The following VPS13B variants were observed in gnomAD, a reference collection of about 807,000 sequenced individuals.
VPS13B encodes the protein vacuolar protein sorting 13 homolog B, also known as intermembrane lipid transfer protein VPS13B.
In VPS13B, 285 loss-of-function variants were observed where a neutral mutation model predicts 426.4. The observed-to-expected ratio is 0.67, with a 90% CI of 0.61 to 0.74. VPS13B has a LOEUF of 0.74. VPS13B is among the 30% of genes least tolerant of loss of function. The probability of loss-of-function intolerance (pLI) is 0.00; values close to 1 mark genes in which losing one functional copy is unlikely to be tolerated. For synonymous variants in VPS13B, 1,676 were observed against 1,676.4 expected (o/e 1.00, Z 0.01); for missense variants, 4,537 against 4,782.6 (o/e 0.95, Z 1.51).
chr8:99,510,649 T>G (rs1360566507), intron 28 of VPS13B, among the ~76,000 whole-genome samples: 5 of 152,120 alleles, frequency 3.3e-5, no homozygotes, highest in Admixed American at 1.3e-4. Context: ...ATTATAGGCA[T>G]GTACTACCAT....
intron 39 of VPS13B, among the ~76,000 whole-genome samples, chr8:99,751,711 A>C (rs1465296465): frequency 2.0e-5 from 3 of 152,206 alleles, no homozygotes; most frequent in Non-Finnish European, 4.4e-5. Flanking sequence ...AATCACTTTC[A>C]ATAAAGTACA....
At chr8:99,394,336 A>G (rs1450660185) in intron 21 of VPS13B, among the ~76,000 whole-genome samples, 1 of 152,140 alleles carries the variant, frequency 6.6e-6, no homozygotes, top group Admixed American at 6.6e-5. Flanking sequence ...CTGATACTGC[A>G]CTGGGTTTGA....
intron 6 of VPS13B, among the ~76,000 whole-genome samples, chr8:99,112,826 GA>G (rs2132487125): frequency 6.6e-6 from 1 of 152,148 alleles, no homozygotes; most frequent in East Asian, 1.9e-4. Context: ...AATAGATGAG[GA>G]AAAACTTAGT....
At chr8:99,173,177 G>GA (rs900554796) in intron 16 of VPS13B, among the ~76,000 whole-genome samples, 3 of 152,054 alleles carry the variant, frequency 2.0e-5, no homozygotes, top group Non-Finnish European at 4.4e-5. Flanking sequence ...ATTTGCAGGG[G>GA]AAAAATGCTT....
intron 19 of VPS13B, among the ~76,000 whole-genome samples, chr8:99,330,161 G>A (rs780849390): frequency 2.6e-5 from 4 of 151,856 alleles, no homozygotes; most frequent in Non-Finnish European, 5.9e-5. Flanking sequence ...ATGTTATTTG[G>A]ACTAGTTATT....
At chr8:99,192,100 G>C (rs1187096686) in intron 16 of VPS13B, among the ~76,000 whole-genome samples, 1 of 152,106 alleles carries the variant, frequency 6.6e-6, no homozygotes, top group Non-Finnish European at 1.5e-5. Flanking sequence ...TTAACCTTCA[G>C]TATAAACTTG....
chr8:99,413,191 G>GT (rs200124965), intron 21 of VPS13B, among the ~76,000 whole-genome samples: 8,307 of 150,828 alleles, frequency 0.055, 260 homozygotes, highest in African/African-American at 0.089. Context: ...AGGGTCCTGG[G>GT]TTTTTTTTTG....
chr8:99,140,914 A>G (rs1810387090), intron 12 of VPS13B, among the ~76,000 whole-genome samples: 1 of 152,130 alleles, frequency 6.6e-6, no homozygotes, highest in South Asian at 2.1e-4. Flanking sequence ...GGAAATATTT[A>G]TTATTAATAT....
intron 45 of VPS13B, among the ~76,000 whole-genome samples, chr8:99,818,195 C>A (rs956587539): frequency 1.8e-4 from 28 of 152,166 alleles, no homozygotes; most frequent in African/African-American, 5.8e-4. Context: ...AATTCTCTTT[C>A]ATTTTGCCAC....
Position 99,192,864 on chromosome 8 carries a change from T to G in VPS13B, c.2334-12T>G. On this transcript the variant is annotated splice_polypyrimidine_tract_variant and intron_variant, in intron 16 of 61. Coordinates refer to ENST00000357162, the MANE Select transcript of VPS13B (RefSeq NM_152564.5). ...TTTACTGTATTGCGATTCTTTCTGT[T>G]TTCTTGTGCAGGACCAAAAGATCTC... 6.2e-7 allele frequency: 1 copy of G among 1,612,244 alleles called. No homozygotes were observed. Among genetic ancestry groups the G allele is most frequent in the Middle Eastern group, 1.7e-4 (1 of 6,056 alleles).
intron 58 of VPS13B, among the ~76,000 whole-genome samples, chr8:99,863,290 T>C (rs1816923718): frequency 2.0e-5 from 3 of 152,150 alleles, no homozygotes; most frequent in Non-Finnish European, 1.5e-5. Flanking sequence ...AAAAGAAATA[T>C]TTGAGCAACG....
At chr8:99,073,699 C>CTT (rs71273160) in intron 3 of VPS13B, among the ~76,000 whole-genome samples, 6 of 83,566 alleles carry the variant, frequency 7.2e-5, no homozygotes, top group East Asian at 6.6e-4. Context: ...ATTTTCTTTC[C>CTT]TTTTTTTTTT....
rs147525162 is a variant in VPS13B at position 99,523,568 on chromosome 8, A to C, written c.4745+2558A>C. Among the ~76,000 whole-genome samples, 5 of 152,314 alleles carry C rather than the reference A, an allele frequency of 3.3e-5. No individual in the cohort carries two copies. The East Asian group carries it at 9.7e-4, about 29-fold the overall frequency. On this transcript the variant is annotated intron_variant, in intron 30 of 61. Coordinates refer to ENST00000357162, the MANE Select transcript of VPS13B (RefSeq NM_152564.5). Reference sequence around the variant, plus strand: ...TTGGGAGAAAGTAAGGGAAGAGAGCAAGAGTCTTTGCCTGGTAATTCAGAC... The same window carrying C: ...TTGGGAGAAAGTAAGGGAAGAGAGCCAGAGTCTTTGCCTGGTAATTCAGAC...
rs373614475 is a variant in VPS13B at position 99,766,748 on chromosome 8, T to G, written c.7051-26T>G. On this transcript the variant is annotated intron_variant, in intron 39 of 61. Transcript: ENST00000357162. The stretch of plus-strand genomic sequence containing the variant: ...AAAAGCATAGTTTCTATTTGCAACT[T>G]CTAAATTTTTTTTATTTTAACATAG... The G allele has an allele frequency of 6.3e-6, 10 of 1,599,264 alleles. No individual in the cohort carries two copies. In the African/African-American group the frequency reaches 1.3e-4, roughly 22 times the overall value.
chr8:99,706,319 G>A (rs183721193), intron 36 of VPS13B, among the ~76,000 whole-genome samples: 280 of 152,220 alleles, frequency 1.8e-3, no homozygotes, highest in Non-Finnish European at 3.3e-3. Context: ...TATTAATGAC[G>A]AGTTCAAGGA....
intron 25 of VPS13B, among the ~76,000 whole-genome samples, chr8:99,485,894 G>A (rs1002199178): frequency 6.6e-6 from 1 of 151,982 alleles, no homozygotes; most frequent in Non-Finnish European, 1.5e-5. Flanking sequence ...TAAAATAATT[G>A]GTTTATAGTC....
At chr8:99,134,514 ATAT>A in intron 8 of VPS13B, 115 bp from the exon 9 acceptor site, 2 of 793,532 alleles carry the variant, frequency 2.5e-6, no homozygotes, top group Non-Finnish European at 4.0e-6. Context: ...TTCCTGCTTA[ATAT>A]TTAAATTTCC....
chr8:99,285,378 T>G (rs1819377169), intron 19 of VPS13B, among the ~76,000 whole-genome samples: 1 of 152,080 alleles, frequency 6.6e-6, no homozygotes, highest in Non-Finnish European at 1.5e-5. Context: ...AAGGTCAAAT[T>G]TTTTGCATTT....
intron 31 of VPS13B, among the ~76,000 whole-genome samples, chr8:99,569,256 C>T (rs1174478318): frequency 4.0e-5 from 6 of 151,486 alleles, no homozygotes; most frequent in Non-Finnish European, 5.9e-5. Context: ...GGCGAAACCC[C>T]GTCTCTACAA....
Sources: allele counts gnomAD v4.1 joint callset (sites outside exome capture counted in the v4.1 genomes callset), GRCh38; gene constraint gnomAD v4.1.1; transcripts MANE v1.5; gene names NCBI Gene and HGNC (gene_info 2026-07-23, HGNC 2026-07-21).